The following OR1L8 variants were observed in gnomAD, a reference collection of about 807,000 sequenced individuals.
OR1L8 encodes the protein olfactory receptor 1L8.
For synonymous variants in OR1L8, 148 were observed against 147.0 expected (o/e 1.01, Z -0.05); for missense variants, 330 against 377.4 (o/e 0.87, Z 1.04).
At chr9:122,553,945 G>A in the OR1L8 span, 2 of 1,613,902 alleles carry the variant, frequency 1.2e-6, no homozygotes, top group Non-Finnish European at 1.7e-6. Flanking sequence ...TCTACCTGTG[G>A]TTCTCATCTC....
intron 4 of OR1L8, among the ~76,000 whole-genome samples, chr9:122,571,520 A>G (rs1210485410): frequency 6.7e-6 from 1 of 148,338 alleles, no homozygotes; most frequent in Non-Finnish European, 1.5e-5. Context: ...ACTGCACTCC[A>G]GCCTGGCCAA....
chr9:122,555,435 A>C, the OR1L8 span, among the ~76,000 whole-genome samples: 5 of 152,154 alleles, frequency 3.3e-5, no homozygotes, highest in Non-Finnish European at 7.3e-5. Context: ...GGCCCTGACC[A>C]TAGCAATCTG....
At chr9:122,552,092 C>CAT in the OR1L8 span, among the ~76,000 whole-genome samples, 4 of 150,030 alleles carry the variant, frequency 2.7e-5, no homozygotes, top group African/African-American at 7.3e-5. Flanking sequence ...CACACACACA[C>CAT]ATATACACCT....
chr9:122,581,307 A>T (rs1250663552), intron 1 of OR1L8, among the ~76,000 whole-genome samples: 1 of 152,122 alleles, frequency 6.6e-6, no homozygotes, highest in Non-Finnish European at 1.5e-5. Flanking sequence ...CGGCGGTTGT[A>T]GTGAGCCGAG....
At chr9:122,561,084 A>C in the OR1L8 span, among the ~76,000 whole-genome samples, 1 of 152,134 alleles carries the variant, frequency 6.6e-6, no homozygotes, top group Non-Finnish European at 1.5e-5. Flanking sequence ...GATGGTCTTC[A>C]AACTCTGATA....
chr9:122,581,035 TTAAATA>T (rs1360812251), intron 1 of OR1L8, among the ~76,000 whole-genome samples: 1 of 152,166 alleles, frequency 6.6e-6, no homozygotes, highest in Non-Finnish European at 1.5e-5. Context: ...CGACTGAATA[TTAAATA>T]TAATTATAAT....
the OR1L8 span, chr9:122,554,286 TG>T: frequency 3.2e-6 from 2 of 622,376 alleles, no homozygotes; most frequent in Middle Eastern, 3.5e-4. Context: ...GAGTTAGGGA[TG>T]TAAAAAAAAA....
chr9:122,550,057 C>G, the OR1L8 span, among the ~76,000 whole-genome samples: 2 of 139,732 alleles, frequency 1.4e-5, no homozygotes, highest in African/African-American at 5.5e-5. Flanking sequence ...TGTAGTTTTT[C>G]TTGTAGACAT....
At chr9:122,571,806 C>G (rs1424623440) in intron 4 of OR1L8, among the ~76,000 whole-genome samples, 2 of 151,928 alleles carry the variant, frequency 1.3e-5, no homozygotes, top group Non-Finnish European at 2.9e-5. Flanking sequence ...GGACTTGAGG[C>G]AGAAGATGCA....
intron 1 of OR1L8, among the ~76,000 whole-genome samples, chr9:122,579,271 CAT>C (rs1224000493): frequency 6.6e-6 from 1 of 151,670 alleles, no homozygotes; most frequent in African/African-American, 2.4e-5. Context: ...ATAATTTTAA[CAT>C]AAATTTGAAA....
chr9:122,573,554 G>A (rs892029600), intron 3 of OR1L8, among the ~76,000 whole-genome samples: 1 of 152,174 alleles, frequency 6.6e-6, no homozygotes, highest in Non-Finnish European at 1.5e-5. Flanking sequence ...TTTGCTGAGT[G>A]TCTGTTAAGA....
the OR1L8 span, among the ~76,000 whole-genome samples, chr9:122,551,520 G>A: frequency 9.2e-5 from 14 of 152,182 alleles, no homozygotes; most frequent in Admixed American, 3.3e-4. Flanking sequence ...CTTCAATGCA[G>A]TTTTACCTAG....
Position 122,568,562 on chromosome 9 carries a change from C to A in OR1L8, c.-85G>T. The A allele has an allele frequency of 1.2e-6, 1 of 807,002 alleles. No individual in the cohort carries two copies. The highest frequency in any genetic ancestry group is 1.8e-5 in the South Asian group (1 of 54,686). The allele number at this position is 807,002 out of a possible 1,614,324, so 50.0% of individuals were successfully genotyped here. On this transcript the variant is annotated 5_prime_UTR_variant, in exon 5 of 5. Coordinates refer to ENST00000641027, the MANE Select transcript of OR1L8 (RefSeq NM_001004454.2). ...CACCAATCATGAGAACCTAGCAAGT[C>A]TTTGTTTCTTCTGTTTGGTCACAAT...
At chr9:122,548,866 T>C in the OR1L8 span, among the ~76,000 whole-genome samples, 2 of 151,606 alleles carry the variant, frequency 1.3e-5, no homozygotes, top group East Asian at 3.9e-4. Context: ...TTCTGAACAT[T>C]AGTCTTCTGT....
At chr9:122,554,285 A>T in the OR1L8 span, 11 of 594,364 alleles carry the variant, frequency 1.9e-5, no homozygotes, top group Non-Finnish European at 2.8e-5. Context: ...TGAGTTAGGG[A>T]TGTAAAAAAA....
At chr9:122,562,414 G>A (rs529055141), downstream of OR1L8, among the ~76,000 whole-genome samples, 9 of 152,336 alleles carry the variant, frequency 5.9e-5, no homozygotes, top group East Asian at 1.9e-4. Flanking sequence ...GAGAATCTGC[G>A]TAGCTCTGTT....
At chr9:122,574,090 T>A (rs530668696) in intron 3 of OR1L8, among the ~76,000 whole-genome samples, 5 of 152,316 alleles carry the variant, frequency 3.3e-5, no homozygotes, top group East Asian at 3.9e-4. Flanking sequence ...GCCTATTCTT[T>A]TGCCAGTATA....
At chr9:122,552,259 A>G in the OR1L8 span, among the ~76,000 whole-genome samples, 13 of 152,268 alleles carry the variant, frequency 8.5e-5, no homozygotes, top group African/African-American at 3.1e-4. Flanking sequence ...CAAGATCAAT[A>G]TGAAATGGTT....
chr9:122,553,435 G>A, the OR1L8 span: 1 of 1,614,046 alleles, frequency 6.2e-7, no homozygotes, highest in South Asian at 1.1e-5. Flanking sequence ...ACTGATGCCT[G>A]TTTCACTTCT....
Sources: gnomAD v4.1 joint callset for allele counts (sites outside exome capture counted in the v4.1 genomes callset) on GRCh38, gnomAD v4.1.1 for gene constraint, MANE v1.5 for transcripts, NCBI Gene and HGNC (gene_info 2026-07-23, HGNC 2026-07-21) for gene names.